Variants in PLCE1 observed in about 807,000 individuals in gnomAD.
PLCE1 encodes 1-phosphatidylinositol 4,5-bisphosphate phosphodiesterase epsilon-1.
A neutral mutation model predicts 242.8 loss-of-function variants in PLCE1; 119 were observed. That is an observed-to-expected ratio of 0.49 (90% CI 0.42 to 0.57). The LOEUF (loss-of-function observed/expected upper bound fraction) is 0.57, where lower values mean the gene tolerates loss of function less well. Among genes scored for constraint, PLCE1 ranks in the 20% least tolerant of loss-of-function variants. The probability of loss-of-function intolerance (pLI) is 0.00; values close to 1 mark genes in which losing one functional copy is unlikely to be tolerated. For missense variants in PLCE1, 2,441 were observed against 2,788.8 expected (o/e 0.88, Z 2.81); for synonymous variants, 945 against 1,017.4 (o/e 0.93, Z 1.35).
intron 4 of PLCE1, among the ~76,000 whole-genome samples, chr10:94,203,311 A>G (rs2049040788): frequency 6.6e-6 from 1 of 152,146 alleles, no homozygotes; most frequent in Admixed American, 6.5e-5. Context: ...CACCCTGAAT[A>G]TTTATCCAAG....
At chr10:94,121,935 C>T (rs996669103) in intron 2 of PLCE1, among the ~76,000 whole-genome samples, 1 of 152,174 alleles carries the variant, frequency 6.6e-6, no homozygotes, top group Non-Finnish European at 1.5e-5. Flanking sequence ...TGGACATTTC[C>T]AGCTGGGCAG....
intron 5 of PLCE1, among the ~76,000 whole-genome samples, chr10:94,231,630 C>T (rs1589388090): frequency 6.6e-6 from 1 of 151,550 alleles, no homozygotes; most frequent in South Asian, 2.1e-4. Context: ...CAGGGATCCC[C>T]AGCCTTTTTA....
intron 29 of PLCE1, among the ~76,000 whole-genome samples, chr10:94,319,864 C>T (rs74917670): frequency 4.5e-4 from 42 of 92,932 alleles, no homozygotes; most frequent in Non-Finnish European, 6.3e-4. Flanking sequence ...CAAAGGTGCT[C>T]TTTTTTTTTT....
intron 2 of PLCE1, among the ~76,000 whole-genome samples, chr10:94,060,946 G>C (rs963308974): frequency 6.6e-6 from 1 of 151,840 alleles, no homozygotes; most frequent in South Asian, 2.1e-4. Context: ...TCATCCACCC[G>C]CCTCGGCCTC....
At chr10:94,132,611 C>A (rs2046635381) in intron 3 of PLCE1, 152 bp downstream of exon 3, 1 of 765,228 alleles carries the variant, frequency 1.3e-6, no homozygotes, top group Non-Finnish European at 2.2e-6. Context: ...AAAAGGTGGT[C>A]CCTTATTAAA....
chr10:94,171,940 T>C (rs746211052), intron 4 of PLCE1, among the ~76,000 whole-genome samples: 1 of 152,084 alleles, frequency 6.6e-6, no homozygotes, highest in Non-Finnish European at 1.5e-5. Context: ...CAGAAACACC[T>C]AGGTCACCAG....
chr10:94,205,225 G>A (rs569340077), intron 4 of PLCE1, among the ~76,000 whole-genome samples: 1 of 152,180 alleles, frequency 6.6e-6, no homozygotes, highest in South Asian at 2.1e-4. Flanking sequence ...TTCCCCAGGG[G>A]ACTCTCACCT....
At chr10:94,096,214 C>G (rs2045303193) in intron 2 of PLCE1, among the ~76,000 whole-genome samples, 1 of 152,138 alleles carries the variant, frequency 6.6e-6, no homozygotes, top group African/African-American at 2.4e-5. Context: ...CCTCTACCTT[C>G]CACTTGCTAA....
chr10:94,298,808 A>C lies in PLCE1; in HGVS notation c.5458+139A>C. ...GAGTAAAAATATGATGATGGAAAACAGAAGTGAATTTGATACTGAATTGTG... is the reference window on the plus strand; with the variant it reads ...GAGTAAAAATATGATGATGGAAAACCGAAGTGAATTTGATACTGAATTGTG... On this transcript the variant is annotated intron_variant, in intron 24 of 32. Coordinates refer to ENST00000371380, the MANE Select transcript of PLCE1 (RefSeq NM_016341.4). This position sits in a 1 kb window ranked among gnomAD's most constrained non-coding sequence, Gnocchi z 5.2. The C allele has an allele frequency of 1.1e-6, 1 of 896,870 alleles. No individual in the cohort carries two copies. The highest frequency in any genetic ancestry group is 1.4e-5 in the South Asian group (1 of 72,220). 55.6% of individuals were successfully genotyped at this position (896,870 alleles called of 1,614,324 possible).
rs1038021107 is a variant in PLCE1, at chr10:94,330,668, G to C, written c.*2725G>C. ...GACTGTGCCACTGCACTCCAGCCTG[G>C]GTACAAGAGTGAGACTCCATCTCAA... is the stretch of plus-strand genomic sequence containing the variant. On this transcript the variant is annotated 3_prime_UTR_variant, in exon 33 of 33. Transcript: ENST00000371380. The C allele has an allele frequency of 3.3e-5, 5 of 150,454 alleles. No individual in the cohort carries two copies. Among genetic ancestry groups the C allele is most frequent in the African/African-American group, 4.9e-5 (2 of 40,684 alleles). The allele number at this position is 150,454 out of a possible 1,614,324, so 9.3% of individuals were successfully genotyped here. A position where few individuals can be genotyped will look rare whatever the true frequency, so the allele number is the denominator to read the frequency against.
intron 4 of PLCE1, among the ~76,000 whole-genome samples, chr10:94,180,096 C>A (rs532584752): frequency 7.4e-6 from 1 of 135,536 alleles, no homozygotes; most frequent in Admixed American, 7.4e-5. Context: ...GACAGTTGAA[C>A]CCAGTTGTTC....
intron 2 of PLCE1, among the ~76,000 whole-genome samples, chr10:94,102,981 CA>C (rs1190956846): frequency 6.6e-6 from 1 of 152,194 alleles, no homozygotes; most frequent in African/African-American, 2.4e-5. Flanking sequence ...GTGGAGGAGG[CA>C]GATGGCATGT....
rs551356906 is a variant in PLCE1 at position 94,296,159 on chromosome 10, G to A, written c.5168-2220G>A. ...AGGTGGATCACAAGGTCAGGAGATCGAGACCATCCTGGCTAACACGGTGAA... is the reference window on the plus strand; with the variant it reads ...AGGTGGATCACAAGGTCAGGAGATCAAGACCATCCTGGCTAACACGGTGAA... On this transcript the variant is annotated intron_variant, in intron 23 of 32. Transcript: ENST00000371380. Among the ~76,000 whole-genome samples, 14 of 152,044 alleles carry A rather than the reference G, an allele frequency of 9.2e-5. 1 individual carries two copies. In the South Asian group the frequency reaches 2.7e-3, roughly 29 times the overall value.
At chr10:94,213,008 G>C (rs539488799) in intron 4 of PLCE1, among the ~76,000 whole-genome samples, 5 of 152,214 alleles carry the variant, frequency 3.3e-5, no homozygotes, top group Non-Finnish European at 5.9e-5. Context: ...CAGCTTGGAA[G>C]TGCTGCAGCC....
chr10:94,163,208 C>T (rs1328833715), intron 3 of PLCE1, among the ~76,000 whole-genome samples: 1 of 152,128 alleles, frequency 6.6e-6, no homozygotes, highest in Non-Finnish European at 1.5e-5. Context: ...TCCTGGATAT[C>T]CTTGTTAACC....
At chr10:94,046,270 G>A (rs747654870) in intron 2 of PLCE1, among the ~76,000 whole-genome samples, 1 of 152,174 alleles carries the variant, frequency 6.6e-6, no homozygotes, top group Non-Finnish European at 1.5e-5. Flanking sequence ...GCAGCCATGG[G>A]GTCCCTCCCA....
intron 2 of PLCE1, among the ~76,000 whole-genome samples, chr10:94,083,365 C>T (rs994779429): frequency 3.3e-5 from 5 of 152,088 alleles, no homozygotes; most frequent in African/African-American, 1.2e-4. Flanking sequence ...ATAAAGGTGT[C>T]GGTCGTTTTC....
At chr10:94,263,029 G>A (rs970430224) in intron 14 of PLCE1, among the ~76,000 whole-genome samples, 9 of 151,590 alleles carry the variant, frequency 5.9e-5, no homozygotes, top group African/African-American at 9.7e-5. Context: ...GCGCCACCAC[G>A]CCCAGCTAAT....
Position 94,028,641 on chromosome 10 carries a change from A to G in PLCE1, c.-364-2042A>G, listed in dbSNP as rs184070452. Among the ~76,000 whole-genome samples, 407 of 152,248 alleles carry G rather than the reference A, an allele frequency of 2.7e-3. 2 individuals are homozygous for G. The highest frequency in any genetic ancestry group is 4.3e-3 in the Non-Finnish European group (293 of 68,010). ...CACTATCTTGTAGTATTGAGTGAGAATTACACAAGATAATAATTGCAAAGT... is the reference window on the plus strand; with the variant it reads ...CACTATCTTGTAGTATTGAGTGAGAGTTACACAAGATAATAATTGCAAAGT... On this transcript the variant is annotated intron_variant, in intron 1 of 32. Coordinates refer to ENST00000371380, the MANE Select transcript of PLCE1 (RefSeq NM_016341.4).
Sources: gnomAD v4.1 joint callset for allele counts (sites outside exome capture counted in the v4.1 genomes callset) on GRCh38, gnomAD v4.1.1 for gene constraint, Gnocchi (gnomAD v3.1) non-coding constraint, MANE v1.5 for transcripts, NCBI Gene and HGNC (gene_info 2026-07-23, HGNC 2026-07-21) for gene names.